PXDNL: variants seen among roughly 807,000 people sequenced by gnomAD.
PXDNL encodes the protein peroxidasin like, also known as probable oxidoreductase PXDNL.
A neutral mutation model predicts 150.8 loss-of-function variants in PXDNL; 145 were observed. That is an observed-to-expected ratio of 0.96 (90% CI 0.84 to 1.10). The LOEUF is 1.10. Among genes scored for constraint, PXDNL ranks in the 50% least tolerant of loss-of-function variants. The pLI is 0.00. For synonymous variants in PXDNL, 757 were observed against 725.7 expected (o/e 1.04, Z -0.69); for missense variants, 2,087 against 1,873.9 (o/e 1.11, Z -2.10).
rs768098769 is a variant in PXDNL, at chr8:51,447,138, T to G, written c.1391A>C (p.Gln464Pro). The G allele has an allele frequency of 9.2e-5, 148 of 1,613,808 alleles. No individual in the cohort carries two copies. Among genetic ancestry groups the G allele is most frequent in the Non-Finnish European group, 1.2e-4 (139 of 1,179,854 alleles). Residue 464 changes from glutamine (Q) to proline (P), a missense_variant, in exon 12 of 23, where the codon CAG (glutamine) becomes CCG (proline). By Grantham distance (76) the Gln-to-Pro change is moderately conservative. Coordinates refer to ENST00000356297, the MANE Select transcript of PXDNL (RefSeq NM_144651.5). ...KTGGQLPVEG[Q>P]HTVLSSGTLR... ...AGTGCCAGAGGAGAGAACTGTATGC[T>G]GGCCTTCCACAGGGAGCTGCCCTCC... is the stretch of plus-strand genomic sequence containing the variant.
At chr8:51,567,771 C>T (rs1010935295) in intron 3 of PXDNL, among the ~76,000 whole-genome samples, 1 of 151,704 alleles carries the variant, frequency 6.6e-6, no homozygotes, top group East Asian at 1.9e-4. Flanking sequence ...TCTGTAGATG[C>T]TCAAGTTCTG....
intron 8 of PXDNL, among the ~76,000 whole-genome samples, chr8:51,470,711 C>G (rs1016593202): frequency 2.2e-4 from 33 of 151,988 alleles, no homozygotes; most frequent in African/African-American, 2.4e-4. Flanking sequence ...CTTTGACAAA[C>G]CTGACAAAAA....
At chr8:51,641,304 C>T (rs1296545212) in intron 2 of PXDNL, among the ~76,000 whole-genome samples, 1 of 151,110 alleles carries the variant, frequency 6.6e-6, no homozygotes, top group Non-Finnish European at 1.5e-5. Context: ...GCAAGGACTT[C>T]ATGTCTAAAA....
intron 4 of PXDNL, among the ~76,000 whole-genome samples, chr8:51,524,748 G>T (rs1811733400): frequency 6.6e-6 from 1 of 152,060 alleles, no homozygotes; most frequent in African/African-American, 2.4e-5. Context: ...TACTTTTTGT[G>T]TGTGCCTAGT....
At chr8:51,670,156 T>G (rs1193274657) in intron 1 of PXDNL, among the ~76,000 whole-genome samples, 1 of 152,116 alleles carries the variant, frequency 6.6e-6, no homozygotes, top group East Asian at 1.9e-4. Context: ...GAGAATTGCT[T>G]GAACCCAGGA....
rs1386950118 is a variant in PXDNL at position 51,347,761 on chromosome 8, G to A, written c.3902-1814C>T. The stretch of plus-strand genomic sequence containing the variant: ...CCCGACCTATTGCTACTTTTATAAC[G>A]GTGAAGTCAAGACATTCTAGATAAA... On this transcript the variant is annotated intron_variant, in intron 19 of 22. Coordinates refer to ENST00000356297, the MANE Select transcript of PXDNL (RefSeq NM_144651.5). 2.0e-5 allele frequency among the ~76,000 whole-genome samples: 3 copies of A among 148,584 alleles called. No individual in the cohort carries two copies. The East Asian group carries it at 5.8e-4, about 29-fold the overall frequency.
intron 17 of PXDNL, among the ~76,000 whole-genome samples, chr8:51,375,850 A>C (rs1431944003): frequency 6.6e-6 from 1 of 152,192 alleles, no homozygotes; most frequent in Non-Finnish European, 1.5e-5. Flanking sequence ...GTTCTGTTGC[A>C]ACTACCCAAC....
At chr8:51,645,290 C>G (rs919515218) in intron 2 of PXDNL, among the ~76,000 whole-genome samples, 1 of 152,108 alleles carries the variant, frequency 6.6e-6, no homozygotes, top group African/African-American at 2.4e-5. Flanking sequence ...GTCCTCAGGC[C>G]ACCAATTCAT....
At chr8:51,789,362 T>C (rs1044714020) in intron 1 of PXDNL, among the ~76,000 whole-genome samples, 1 of 152,140 alleles carries the variant, frequency 6.6e-6, no homozygotes, top group Non-Finnish European at 1.5e-5. Flanking sequence ...CCAGGAAGGA[T>C]AAGCATTAAC....
Position 51,549,842 on chromosome 8 carries a change from C to A in PXDNL, c.380+6998G>T, listed in dbSNP as rs572539479. ...AGAAATAACAATGATCAGAGCAGAACTAAATGAAATGGAAACAAACAATAC... is the reference window on the plus strand; with the variant it reads ...AGAAATAACAATGATCAGAGCAGAAATAAATGAAATGGAAACAAACAATAC... On this transcript the variant is annotated intron_variant, in intron 4 of 22. Transcript: ENST00000356297. Among the ~76,000 whole-genome samples the A allele has an allele frequency of 3.3e-5, 5 of 151,950 alleles. No homozygotes were observed. The South Asian group carries it at 1.0e-3, about 32-fold the overall frequency.
At chr8:51,801,426 C>T (rs1354955250) in intron 1 of PXDNL, among the ~76,000 whole-genome samples, 1 of 151,694 alleles carries the variant, frequency 6.6e-6, no homozygotes. Flanking sequence ...CCCTTTAAAG[C>T]TTGTGATCTT....
At chr8:51,676,423 C>T (rs544981022) in intron 1 of PXDNL, among the ~76,000 whole-genome samples, 1 of 152,288 alleles carries the variant, frequency 6.6e-6, no homozygotes, top group East Asian at 1.9e-4. Context: ...ATTACAGGCA[C>T]ATGCCACCAT....
chr8:51,607,236 C>T (rs1285963601), intron 2 of PXDNL, among the ~76,000 whole-genome samples: 1 of 152,124 alleles, frequency 6.6e-6, no homozygotes, highest in Non-Finnish European at 1.5e-5. Context: ...CTTTCCTAAA[C>T]CCTTCAGATG....
chr8:51,493,769 T>C (rs1810961617), intron 5 of PXDNL, among the ~76,000 whole-genome samples: 1 of 152,068 alleles, frequency 6.6e-6, no homozygotes, highest in Non-Finnish European at 1.5e-5. Flanking sequence ...CTCCAAGAAA[T>C]ATGGGACTGT....
chr8:51,677,808 T>C (rs112094832), intron 1 of PXDNL, among the ~76,000 whole-genome samples: 2,115 of 152,342 alleles, frequency 0.014, 30 homozygotes, highest in South Asian at 0.045. Context: ...CTAATTTATT[T>C]ATCATTCCAT....
intron 2 of PXDNL, among the ~76,000 whole-genome samples, chr8:51,638,455 C>A (rs1814657760): frequency 6.6e-6 from 1 of 152,092 alleles, no homozygotes; most frequent in African/African-American, 2.4e-5. Context: ...TCAGGAGACC[C>A]ATCTCACGTG....
At chr8:51,680,067 T>C (rs1360953623) in intron 1 of PXDNL, among the ~76,000 whole-genome samples, 2 of 152,268 alleles carry the variant, frequency 1.3e-5, no homozygotes, top group Non-Finnish European at 2.9e-5. Flanking sequence ...AAATATTCAC[T>C]TGATCTCTTC....
chr8:51,638,047 C>T (rs960768626), intron 2 of PXDNL, among the ~76,000 whole-genome samples: 15 of 152,198 alleles, frequency 9.9e-5, no homozygotes, highest in African/African-American at 3.6e-4. Flanking sequence ...GGCGAATATT[C>T]AACATTCTTA....
chr8:51,531,987 C>T (rs1811916652), intron 4 of PXDNL, among the ~76,000 whole-genome samples: 1 of 152,242 alleles, frequency 6.6e-6, no homozygotes, highest in Non-Finnish European at 1.5e-5. Context: ...TGTATACCTT[C>T]TCTTGACTAA....
Sources: gnomAD v4.1 joint callset for allele counts (sites outside exome capture counted in the v4.1 genomes callset) on GRCh38, gnomAD v4.1.1 for gene constraint, MANE v1.5 for transcripts, NCBI Gene and HGNC (gene_info 2026-07-23, HGNC 2026-07-21) for gene names.